DGKG: variants seen among roughly 807,000 people sequenced by gnomAD.
DGKG encodes the protein diacylglycerol kinase gamma.
In DGKG, 78 loss-of-function variants were observed where a neutral mutation model predicts 105.3. The observed-to-expected ratio is 0.74, with a 90% CI of 0.62 to 0.89. The LOEUF (loss-of-function observed/expected upper bound fraction) is 0.89. Ranked by LOEUF, DGKG falls within the 40% of genes least tolerant of loss-of-function variation. The pLI is 0.00. For synonymous variants in DGKG, 346 were observed against 367.1 expected (o/e 0.94, Z 0.66); for missense variants, 958 against 1,020.1 (o/e 0.94, Z 0.83).
chr3:186,356,548 CT>C (rs1230745133), intron 1 of DGKG, among the ~76,000 whole-genome samples: 1 of 152,054 alleles, frequency 6.6e-6, no homozygotes, highest in Admixed American at 6.6e-5. Flanking sequence ...TTAATTAGAC[CT>C]TAAAGAGTTT....
intron 17 of DGKG, among the ~76,000 whole-genome samples, chr3:186,256,681 G>T (rs1578734957): frequency 6.6e-6 from 1 of 152,138 alleles, no homozygotes; most frequent in South Asian, 2.1e-4. Flanking sequence ...TGCTTCATCC[G>T]CTGTAGCTTT....
intron 5 of DGKG, 134 bp from the exon 6 acceptor site, chr3:186,289,014 G>T (rs1015287813): frequency 4.8e-6 from 4 of 827,018 alleles, no homozygotes; most frequent in Non-Finnish European, 7.4e-6. Flanking sequence ...TGGTTACATA[G>T]ATGTGACCAA....
chr3:186,201,210 T>G (rs73887783), intron 21 of DGKG, among the ~76,000 whole-genome samples: 2,401 of 152,040 alleles, frequency 0.016, 62 homozygotes, highest in African/African-American at 0.055. Context: ...GGATGCAGAT[T>G]AATAGGCTTT....
intron 19 of DGKG, among the ~76,000 whole-genome samples, chr3:186,244,353 T>G (rs951245704): frequency 2.0e-5 from 3 of 152,062 alleles, no homozygotes; most frequent in African/African-American, 7.2e-5. Context: ...TTGGCAAACA[T>G]TCTTTGCTAA....
In DGKG at chr3:186,147,317, C is replaced by G; in HGVS notation, c.*2773G>C. On this transcript the variant is annotated 3_prime_UTR_variant, in exon 25 of 25. Transcript: ENST00000265022. The stretch of plus-strand genomic sequence containing the variant: ...AAGAAATAAGGGATTAGGTTCTCCC[C>G]TGACTAACCATGTGGCTTTGAGAAG... 1 of 985,770 alleles carries G rather than the reference C, an allele frequency of 1.0e-6. No individual in the cohort carries two copies. Among genetic ancestry groups the G allele is most frequent in the South Asian group, 4.7e-5 (1 of 21,284 alleles). 61.1% of individuals were successfully genotyped at this position (985,770 alleles called of 1,614,324 possible). A position where few individuals can be genotyped will look rare whatever the true frequency, so the allele number is the denominator to read the frequency against.
chr3:186,263,654 T>TG (rs1721896444), intron 14 of DGKG, among the ~76,000 whole-genome samples: 1 of 80,670 alleles, frequency 1.2e-5, no homozygotes, highest in Non-Finnish European at 3.1e-5. Context: ...TGTTCATTTG[T>TG]ATTTTTTTTT....
chr3:186,332,394 G>A (rs1234016742), intron 1 of DGKG, among the ~76,000 whole-genome samples: 1 of 152,192 alleles, frequency 6.6e-6, no homozygotes, highest in Non-Finnish European at 1.5e-5. Flanking sequence ...TAAGGAAGCA[G>A]GGTTGTGAAT....
chr3:186,207,191 C>T (rs972065982), intron 21 of DGKG, among the ~76,000 whole-genome samples: 3 of 152,142 alleles, frequency 2.0e-5, no homozygotes, highest in Non-Finnish European at 4.4e-5. Flanking sequence ...TTTTTATGCT[C>T]CCATTTTGAC....
intron 22 of DGKG, among the ~76,000 whole-genome samples, chr3:186,183,543 G>A (rs1048587103): frequency 2.6e-5 from 4 of 152,012 alleles, no homozygotes; most frequent in African/African-American, 4.8e-5. Flanking sequence ...CAGGCACTGG[G>A]GATACAAAGA....
intron 20 of DGKG, among the ~76,000 whole-genome samples, chr3:186,214,073 T>C (rs188008117): frequency 2.6e-3 from 391 of 152,326 alleles, no homozygotes; most frequent in South Asian, 6.4e-3. Context: ...TTGAAAGTTA[T>C]TGCCAGGAGA....
At chr3:186,188,899 C>A (rs1717773111) in intron 21 of DGKG, among the ~76,000 whole-genome samples, 1 of 152,150 alleles carries the variant, frequency 6.6e-6, no homozygotes, top group South Asian at 2.1e-4. Flanking sequence ...ACTGCAACCT[C>A]CACTTTCCGG....
rs1373996548 is a variant in DGKG at position 186,218,175 on chromosome 3, C to T, written c.1827-6290G>A. ...AGCATGTGACTTCATGAGAGTCACTCAGCAACACCAGGCCTCAGATTCCTC... is the reference window on the plus strand; with the variant it reads ...AGCATGTGACTTCATGAGAGTCACTTAGCAACACCAGGCCTCAGATTCCTC... On this transcript the variant is annotated intron_variant, in intron 20 of 24. Transcript: ENST00000265022. 2.6e-5 allele frequency among the ~76,000 whole-genome samples: 4 copies of T among 152,064 alleles called. No individual in the cohort carries two copies. In the East Asian group the frequency reaches 7.7e-4, roughly 29 times the overall value.
chr3:186,308,451 T>A (rs1724361566), intron 2 of DGKG, among the ~76,000 whole-genome samples: 2 of 152,122 alleles, frequency 1.3e-5, no homozygotes, highest in Admixed American at 6.6e-5. Flanking sequence ...CAAAGGACGA[T>A]GTTATTAAAA....
chr3:186,238,781 G>A (rs73885806), intron 20 of DGKG, among the ~76,000 whole-genome samples: 5,757 of 152,166 alleles, frequency 0.038, 120 homozygotes, highest in African/African-American at 0.045. Flanking sequence ...CCTCGGTTCT[G>A]GTTCTTGCTC....
intron 20 of DGKG, among the ~76,000 whole-genome samples, chr3:186,229,629 G>C (rs1378428493): frequency 3.9e-5 from 6 of 152,146 alleles, no homozygotes; most frequent in African/African-American, 1.4e-4. Flanking sequence ...TGGCAGCCCA[G>C]GACACTGATA....
intron 1 of DGKG, among the ~76,000 whole-genome samples, chr3:186,353,781 A>G (rs1221313877): frequency 6.6e-6 from 1 of 152,012 alleles, no homozygotes; most frequent in Non-Finnish European, 1.5e-5. Context: ...TATGACTAGC[A>G]TGAAGTGGGT....
chr3:186,152,459 C>T (rs1046176691), intron 24 of DGKG, among the ~76,000 whole-genome samples: 13 of 151,828 alleles, frequency 8.6e-5, no homozygotes, highest in Non-Finnish European at 7.3e-5. Flanking sequence ...AGCCTTCTCT[C>T]ACTCCTGATC....
At chr3:186,175,510 G>T (rs554026011) in intron 22 of DGKG, among the ~76,000 whole-genome samples, 2 of 152,314 alleles carry the variant, frequency 1.3e-5, no homozygotes, top group African/African-American at 2.4e-5. Context: ...TGCTTCAGAG[G>T]GGGAGGCAGT....
chr3:186,299,634 CTCTT>C (rs1723773592), intron 3 of DGKG, among the ~76,000 whole-genome samples: 2 of 152,136 alleles, frequency 1.3e-5, no homozygotes, highest in Admixed American at 1.3e-4. Flanking sequence ...TTATTTCACA[CTCTT>C]TCTGTCTCTC....
Sources: allele counts gnomAD v4.1 joint callset (sites outside exome capture counted in the v4.1 genomes callset), GRCh38; gene constraint gnomAD v4.1.1; transcripts MANE v1.5; gene names NCBI Gene and HGNC (gene_info 2026-07-23, HGNC 2026-07-21).